MBTD1: variants seen among roughly 807,000 people sequenced by gnomAD.
MBTD1 encodes mbt domain containing 1, also known as MBT domain-containing protein 1.
A neutral mutation model predicts 87.8 loss-of-function variants in MBTD1; 24 were observed. The observed-to-expected ratio is 0.27, with a 90% CI of 0.20 to 0.38. The LOEUF (loss-of-function observed/expected upper bound fraction) is 0.38. Among genes scored for constraint, MBTD1 ranks in the 10% least tolerant of loss-of-function variants. The pLI, the probability that MBTD1 is intolerant of heterozygous loss-of-function variation, is 1.00. For synonymous variants in MBTD1, 237 were observed against 248.6 expected, an observed-to-expected ratio of 0.95 and a Z score of 0.44; for missense variants, 436 against 760.2, an observed-to-expected ratio of 0.57 and a Z score of 5.02.
At chr17:51,225,725 ATTTCTTT>A (rs888510154) in intron 2 of MBTD1, among the ~76,000 whole-genome samples, 1 of 150,890 alleles carries the variant, frequency 6.6e-6, no homozygotes, top group Non-Finnish European at 1.5e-5. Context: ...CCTCGCCCAG[ATTTCTTT>A]TTTCTTTTTA....
chr17:51,211,692 T>G (rs2052228112), intron 6 of MBTD1, among the ~76,000 whole-genome samples: 1 of 152,006 alleles, frequency 6.6e-6, no homozygotes, highest in African/African-American at 2.4e-5. Flanking sequence ...AATGCTACAT[T>G]GAAGATTTTA....
intron 2 of MBTD1, among the ~76,000 whole-genome samples, chr17:51,255,233 C>T (rs1310233283): frequency 1.3e-5 from 2 of 151,806 alleles, no homozygotes; most frequent in Non-Finnish European, 2.9e-5. Flanking sequence ...GTGAGCCGAG[C>T]TCATGCCACT....
At chr17:51,197,760 G>A (rs1598307387) in intron 12 of MBTD1, among the ~76,000 whole-genome samples, 3 of 152,056 alleles carry the variant, frequency 2.0e-5, no homozygotes, top group Non-Finnish European at 4.4e-5. Flanking sequence ...GCCTGCCTCG[G>A]CCTCTCAAAG....
chr17:51,253,854 T>C (rs2054934194), intron 2 of MBTD1, among the ~76,000 whole-genome samples: 1 of 152,168 alleles, frequency 6.6e-6, no homozygotes, highest in South Asian at 2.1e-4. Context: ...CATTAACTTA[T>C]TGGTATAACC....
chr17:51,182,428 T>C (rs1055852625), intron 16 of MBTD1, among the ~76,000 whole-genome samples: 1 of 152,208 alleles, frequency 6.6e-6, no homozygotes, highest in African/African-American at 2.4e-5. Context: ...GCCTGGCCTC[T>C]TTATACATTT....
chr17:51,192,500 T>C, intron 15 of MBTD1: 1 of 636,496 alleles, frequency 1.6e-6, no homozygotes, highest in South Asian at 2.2e-5. Flanking sequence ...CCAATAAACT[T>C]TTAGTATGTA....
In MBTD1 at chr17:51,194,052, A is replaced by G. The variant is rs868012836; in HGVS notation, c.1373-542T>C. ...CTCTTTTTCTGTTTACTACAATGGT[A>G]CATTTTTGCTCTTTCAATCCTAGGC... On this transcript the variant is annotated intron_variant, in intron 13 of 16. Coordinates refer to ENST00000586178, the MANE Select transcript of MBTD1 (RefSeq NM_017643.3). Among the ~76,000 whole-genome samples the G allele has an allele frequency of 1.1e-4, 16 of 152,368 alleles. 1 individual carries two copies. The highest frequency in any genetic ancestry group is 3.4e-3 in the Middle Eastern group (1 of 294).
rs1390025709 is a variant in MBTD1 at position 51,177,889 on chromosome 17, A to G, written c.*2687T>C. 2 of 152,166 alleles carry G rather than the reference A, an allele frequency of 1.3e-5. No homozygotes were observed. The highest frequency in any genetic ancestry group is 2.9e-5 in the Non-Finnish European group (2 of 68,036). The allele number at this position is 152,166 out of a possible 1,614,324, so 9.4% of individuals were successfully genotyped here. A position where few individuals can be genotyped will look rare whatever the true frequency, so the allele number is the denominator to read the frequency against. On this transcript the variant is annotated 3_prime_UTR_variant, in exon 17 of 17. Transcript: ENST00000586178. ...TCCCAATATTAAAGGATCATTACCA[A>G]TATATAGCACCATAATACAAATATT... is the stretch of plus-strand genomic sequence containing the variant.
chr17:51,241,921 T>C (rs558455722), intron 2 of MBTD1, among the ~76,000 whole-genome samples: 1 of 152,202 alleles, frequency 6.6e-6, no homozygotes, highest in Non-Finnish European at 1.5e-5. Flanking sequence ...GTGATCATAC[T>C]GTCCCAGAGT....
At chr17:51,207,359 C>A (rs2051905800) in intron 6 of MBTD1, among the ~76,000 whole-genome samples, 2 of 151,952 alleles carry the variant, frequency 1.3e-5, no homozygotes, top group South Asian at 4.2e-4. Flanking sequence ...TACACTTCAC[C>A]CTAATTTCTA....
chr17:51,239,817 C>A (rs945401626), intron 2 of MBTD1, among the ~76,000 whole-genome samples: 1 of 152,158 alleles, frequency 6.6e-6, no homozygotes, highest in Non-Finnish European at 1.5e-5. Context: ...CTTCAATGTG[C>A]CTTTCCTAGT....
chr17:51,259,184 G>A lies in MBTD1; in HGVS notation c.-90C>T, dbSNP rs1490870730. 14 of 1,070,932 alleles carry A rather than the reference G, an allele frequency of 1.3e-5. No individual in the cohort carries two copies. The East Asian group carries it at 1.9e-4, about 15-fold the overall frequency. 66.3% of individuals were successfully genotyped at this position (1,070,932 alleles called of 1,614,324 possible). A position where few individuals can be genotyped will look rare whatever the true frequency, so the allele number is the denominator to read the frequency against. On this transcript the variant is annotated 5_prime_UTR_variant, in exon 2 of 17. Transcript: ENST00000586178. ...TGCAGAGGGGACGGCTGCTTTGGATGACCTCTAATGTCTCTTCCGACTCTG... is the reference window on the plus strand; with the variant it reads ...TGCAGAGGGGACGGCTGCTTTGGATAACCTCTAATGTCTCTTCCGACTCTG...
rs568654518 is a variant in MBTD1, at chr17:51,254,988, T to G, written c.-49+4155A>C. Among the ~76,000 whole-genome samples the G allele has an allele frequency of 2.1e-4, 32 of 152,276 alleles. No homozygotes were observed. In the South Asian group the frequency reaches 6.2e-3, roughly 30 times the overall value. ...CAAACAAGATCATTTATTAGTATGT[T>G]AACATAGAGACGGGCCAGGCGCAGT... On this transcript the variant is annotated intron_variant, in intron 2 of 16. Coordinates refer to ENST00000586178, the MANE Select transcript of MBTD1 (RefSeq NM_017643.3).
At chr17:51,204,078 A>T (rs2051659015) in intron 7 of MBTD1, among the ~76,000 whole-genome samples, 153 bp from the exon 8 acceptor site, 1 of 152,150 alleles carries the variant, frequency 6.6e-6, no homozygotes, top group South Asian at 2.1e-4. Context: ...CACTCCAGAG[A>T]TTCTGATTTT....
intron 2 of MBTD1, chr17:51,251,245 T>C (rs1247864697): frequency 6.6e-6 from 1 of 152,192 alleles, no homozygotes; most frequent in Non-Finnish European, 1.5e-5. Flanking sequence ...GTTCATTTCA[T>C]AGGCAGAGCT....
intron 3 of MBTD1, among the ~76,000 whole-genome samples, chr17:51,223,761 G>C (rs1260537462): frequency 6.6e-6 from 1 of 152,100 alleles, no homozygotes; most frequent in Non-Finnish European, 1.5e-5. Context: ...GCTTGAACCC[G>C]GGAGGTGGAG....
intron 2 of MBTD1, among the ~76,000 whole-genome samples, chr17:51,249,398 T>C (rs1476630912): frequency 1.3e-5 from 2 of 152,252 alleles, no homozygotes; most frequent in African/African-American, 2.4e-5. Context: ...TTTCTTCTTA[T>C]ACTTCATATA....
At chr17:51,202,408 TGGAAAG>T (rs561773431) in intron 10 of MBTD1, among the ~76,000 whole-genome samples, 160 of 152,262 alleles carry the variant, frequency 1.1e-3, no homozygotes, top group Non-Finnish European at 2.1e-3. Flanking sequence ...TAAAATTGAA[TGGAAAG>T]GGAAAGGTAT....
At chr17:51,213,569 T>C (rs751409823) in intron 6 of MBTD1, among the ~76,000 whole-genome samples, 1 of 151,844 alleles carries the variant, frequency 6.6e-6, no homozygotes, top group Non-Finnish European at 1.5e-5. Context: ...AAGACTTGCA[T>C]TATGAAAAAT....
Sources: gnomAD v4.1 joint callset for allele counts (sites outside exome capture counted in the v4.1 genomes callset) on GRCh38, gnomAD v4.1.1 for gene constraint, MANE v1.5 for transcripts, NCBI Gene and HGNC (gene_info 2026-07-23, HGNC 2026-07-21) for gene names.